DLG2: variants seen among roughly 807,000 people sequenced by gnomAD.
DLG2 encodes the protein disks large homolog 2.
Under a neutral mutation model 132.5 loss-of-function variants are expected in DLG2, and 45 were observed. The observed-to-expected ratio is 0.34, with a 90% CI of 0.27 to 0.44. The LOEUF (loss-of-function observed/expected upper bound fraction) is 0.44, where lower values mean the gene tolerates loss of function less well. DLG2 is among the 20% of genes least tolerant of loss of function. The pLI, the probability that DLG2 is intolerant of heterozygous loss-of-function variation, is 1.00. For missense variants in DLG2, 1,045 were observed against 1,196.9 expected, an observed-to-expected ratio of 0.87 and a Z score of 1.87; for synonymous variants, 424 against 419.6, an observed-to-expected ratio of 1.01 and a Z score of -0.13.
chr11:83,850,394 C>A (rs1050025930), intron 16 of DLG2, among the ~76,000 whole-genome samples: 1 of 152,102 alleles, frequency 6.6e-6, no homozygotes, highest in Non-Finnish European at 1.5e-5. Context: ...ACCTTGTGAT[C>A]CACCCCTCTC....
intron 6 of DLG2, among the ~76,000 whole-genome samples, chr11:84,593,935 T>C (rs2099550109): frequency 6.6e-6 from 1 of 152,212 alleles, no homozygotes; most frequent in African/African-American, 2.4e-5. Flanking sequence ...ATTACCTAAT[T>C]GAATATTTTC....
intron 4 of DLG2, among the ~76,000 whole-genome samples, chr11:85,165,555 C>G (rs933019495): frequency 4.6e-5 from 7 of 152,266 alleles, no homozygotes; most frequent in Admixed American, 4.6e-4. Flanking sequence ...GACCAGTCTG[C>G]TTTTTATTCC....
intron 18 of DLG2, among the ~76,000 whole-genome samples, chr11:83,763,453 T>G (rs779254897): frequency 8.5e-5 from 13 of 152,210 alleles, no homozygotes; most frequent in Non-Finnish European, 1.9e-4. Flanking sequence ...TCCTTCTTAC[T>G]TTTGCTTGCA....
At chr11:85,232,306 A>G (rs2075344242) in intron 4 of DLG2, among the ~76,000 whole-genome samples, 1 of 151,924 alleles carries the variant, frequency 6.6e-6, no homozygotes, top group African/African-American at 2.4e-5. Context: ...ATAATATAAT[A>G]TCTTTTGATA....
At chr11:84,543,490 C>T (rs901459300) in intron 6 of DLG2, among the ~76,000 whole-genome samples, 2 of 152,052 alleles carry the variant, frequency 1.3e-5, no homozygotes, top group South Asian at 2.1e-4. Context: ...TGTGATGATT[C>T]GCTGGATGTT....
At position 85,351,489 on chromosome 11, in the gene DLG2, A is replaced by G. The variant is rs539224344; in HGVS notation, c.41-66124T>C. 9.9e-5 allele frequency among the ~76,000 whole-genome samples: 15 copies of G among 152,280 alleles called. No individual in the cohort carries two copies. The South Asian group carries it at 1.0e-3, about 11-fold the overall frequency. On this transcript the variant is annotated intron_variant, in intron 3 of 27. Transcript: ENST00000376104. ...AGAGAGGGCATTCTTGTCTTGTGCC[A>G]GTTTTCAAAGGGAATGCTTCCAGTT...
chr11:84,952,373 C>T (rs1342682746), intron 6 of DLG2, among the ~76,000 whole-genome samples: 2 of 152,042 alleles, frequency 1.3e-5, no homozygotes, highest in African/African-American at 2.4e-5. Context: ...AAAAATTAGC[C>T]GGGCGCAGTG....
chr11:84,490,779 C>G lies in DLG2; in HGVS notation c.519+43791G>C, dbSNP rs1171269616. ...TGAGTACATCAAAACCCAATGGAAC[C>G]AAATGGTGCCCAGTTTTCTTGTTTT... On this transcript the variant is annotated intron_variant, in intron 7 of 27. Transcript: ENST00000376104. 3.3e-5 allele frequency among the ~76,000 whole-genome samples: 5 copies of G among 151,688 alleles called. No homozygotes were observed. The East Asian group carries it at 9.7e-4, about 29-fold the overall frequency.
intron 6 of DLG2, among the ~76,000 whole-genome samples, chr11:84,603,270 A>G (rs1345635864): frequency 6.6e-6 from 1 of 152,006 alleles, no homozygotes; most frequent in Non-Finnish European, 1.5e-5. Context: ...TTATATCTCT[A>G]TGCACCCGGA....
chr11:83,789,781 C>T (rs555385999), intron 17 of DLG2, among the ~76,000 whole-genome samples: 41 of 152,302 alleles, frequency 2.7e-4, no homozygotes, highest in African/African-American at 9.4e-4. Flanking sequence ...CTTTTGACCT[C>T]GTGATCTGCC....
intron 6 of DLG2, among the ~76,000 whole-genome samples, chr11:85,067,137 T>G (rs2065045291): frequency 6.6e-6 from 1 of 151,816 alleles, no homozygotes; most frequent in South Asian, 2.1e-4. Context: ...TTATTTGAGG[T>G]GTTTATAGTA....
chr11:84,699,559 A>G (rs1255593135), intron 6 of DLG2, among the ~76,000 whole-genome samples: 1 of 151,486 alleles, frequency 6.6e-6, no homozygotes, highest in African/African-American at 2.4e-5. Context: ...TTATTCCAAC[A>G]TTCTAAAAGA....
intron 9 of DLG2, among the ~76,000 whole-genome samples, chr11:84,129,703 G>A (rs1334469967): frequency 6.6e-6 from 1 of 151,980 alleles, no homozygotes; most frequent in Non-Finnish European, 1.5e-5. Context: ...GAGACAAACT[G>A]AAGAGATAAT....
intron 15 of DLG2, among the ~76,000 whole-genome samples, chr11:83,889,706 A>C (rs2069108616): frequency 6.6e-6 from 1 of 152,088 alleles, no homozygotes; most frequent in Non-Finnish European, 1.5e-5. Flanking sequence ...CTTGGAACCA[A>C]CCCAAATGTC....
At chr11:84,836,293 A>G (rs1482915631) in intron 6 of DLG2, among the ~76,000 whole-genome samples, 2 of 151,798 alleles carry the variant, frequency 1.3e-5, no homozygotes, top group Non-Finnish European at 2.9e-5. Context: ...ATTAGAAGGA[A>G]TTGGTGGCGC....
intron 18 of DLG2, among the ~76,000 whole-genome samples, chr11:83,755,332 G>T (rs1368313088): frequency 8.0e-5 from 12 of 150,894 alleles, no homozygotes; most frequent in Non-Finnish European, 1.8e-4. Context: ...ATGTTTATCA[G>T]AACTCAAGTA....
At chr11:83,761,521 T>C (rs2153755625) in intron 18 of DLG2, among the ~76,000 whole-genome samples, 1 of 152,380 alleles carries the variant, frequency 6.6e-6, no homozygotes, top group South Asian at 2.1e-4. Context: ...CATTCTTCTC[T>C]GAAGCTTTGT....
chr11:84,277,831 C>T (rs2097797146), intron 7 of DLG2, among the ~76,000 whole-genome samples: 1 of 152,052 alleles, frequency 6.6e-6, no homozygotes, highest in African/African-American at 2.4e-5. Flanking sequence ...TTATCAAAAT[C>T]AAGATGGAGG....
intron 7 of DLG2, among the ~76,000 whole-genome samples, chr11:84,407,752 A>G (rs1357132669): frequency 6.6e-6 from 1 of 152,240 alleles, no homozygotes; most frequent in Non-Finnish European, 1.5e-5. Context: ...ACTGAAACTC[A>G]AAAGGTAAAG....
Sources: gnomAD v4.1 joint callset for allele counts (sites outside exome capture counted in the v4.1 genomes callset) on GRCh38, gnomAD v4.1.1 for gene constraint, MANE v1.5 for transcripts, NCBI Gene and HGNC (gene_info 2026-07-23, HGNC 2026-07-21) for gene names.